Variants in ACACA observed in about 807,000 individuals in gnomAD.
ACACA encodes acetyl-CoA carboxylase 1.
Under a neutral mutation model 296.1 loss-of-function variants are expected in ACACA, and 103 were observed. The observed-to-expected ratio is 0.35, with a 90% CI of 0.30 to 0.41. ACACA has a LOEUF of 0.41. ACACA is among the 10% of genes least tolerant of loss of function. The pLI is 1.00. For synonymous variants in ACACA, 953 were observed against 1,038.6 expected (o/e 0.92, Z 1.58); for missense variants, 1,554 against 2,989.7 (o/e 0.52, Z 11.20).
In ACACA at chr17:37,248,694, G is replaced by C. The variant is rs1467829610; in HGVS notation, c.2082-20C>G. 3.9e-6 allele frequency: 6 copies of C among 1,530,462 alleles called. No homozygotes were observed. Among genetic ancestry groups the C allele is most frequent in the Non-Finnish European group, 4.5e-6 (5 of 1,105,656 alleles). 94.8% of individuals were successfully genotyped at this position (1,530,462 alleles called of 1,614,324 possible). On this transcript the variant is annotated intron_variant, in intron 16 of 55. Coordinates refer to ENST00000616317, the MANE Select transcript of ACACA (RefSeq NM_198834.3). ...TGACCCCTGAAAGAACGATGAGAGA[G>C]GAACTTACTACAAAGTTCTAACAGT...
At position 37,090,804 on chromosome 17, in the gene ACACA, A is replaced by G. The variant is rs4141321; in HGVS notation, c.6892-1730T>C. Among the ~76,000 whole-genome samples the G allele has an allele frequency of 8.2e-4, 124 of 151,962 alleles. No homozygotes were observed. The East Asian group carries it at 0.014, about 17-fold the overall frequency. On this transcript the variant is annotated intron_variant, in intron 54 of 55. Transcript: ENST00000616317. ...AAATTTCAACATTTCCATTTCCATC[A>G]TTGGCAATTTACTCTTCTGCTCCGT...
chr17:37,293,042 AT>A (rs574011666), intron 3 of ACACA, among the ~76,000 whole-genome samples: 9 of 151,524 alleles, frequency 5.9e-5, no homozygotes, highest in South Asian at 2.1e-4. Context: ...CTGCCGACAC[AT>A]TTTTTTTTAC....
At chr17:37,144,234 C>CA in intron 45 of ACACA, 1 of 702,408 alleles carries the variant, frequency 1.4e-6, no homozygotes, top group Admixed American at 1.9e-5. Context: ...CAAGTTTGCA[C>CA]AAAAAATGCG....
At chr17:37,367,586 G>A (rs1018750611) in intron 1 of ACACA, 2 of 152,106 alleles carry the variant, frequency 1.3e-5, no homozygotes, top group Non-Finnish European at 2.9e-5. Context: ...AGGATATAAA[G>A]CCTACCTTCT....
chr17:37,099,589 CA>C (rs2073226567), intron 52 of ACACA, among the ~76,000 whole-genome samples: 1 of 111,260 alleles, frequency 9.0e-6, no homozygotes, highest in Non-Finnish European at 1.8e-5. Context: ...GGGCTGATGG[CA>C]GGAGGGCTGA....
chr17:37,115,956 A>G (rs1050914070), intron 50 of ACACA, among the ~76,000 whole-genome samples: 1 of 152,032 alleles, frequency 6.6e-6, no homozygotes, highest in African/African-American at 2.4e-5. Context: ...TGTTGGCCCT[A>G]ATGTCCACAT....
At chr17:37,240,781 C>A (rs1413720307) in intron 23 of ACACA, among the ~76,000 whole-genome samples, 1 of 152,148 alleles carries the variant, frequency 6.6e-6, no homozygotes, top group Admixed American at 6.5e-5. Context: ...ACAACAAAAT[C>A]CTGCATAGCC....
At chr17:37,105,106 TGGG>T (rs1567664731) in intron 52 of ACACA, among the ~76,000 whole-genome samples, 1 of 152,044 alleles carries the variant, frequency 6.6e-6, no homozygotes, top group South Asian at 2.1e-4. Flanking sequence ...AAGTAGGATT[TGGG>T]GGAGGTGACA....
Position 37,085,758 on chromosome 17 carries a change from C to T in ACACA, c.*1558G>A, listed in dbSNP as rs886667533. On this transcript the variant is annotated 3_prime_UTR_variant, in exon 56 of 56. Transcript: ENST00000616317. Reference sequence around the variant, plus strand: ...GCCAATCTATCCGCACAGATTCCTCCTGAAGAAGGGGAGGTGGAGCTCGTT... The same window carrying T: ...GCCAATCTATCCGCACAGATTCCTCTTGAAGAAGGGGAGGTGGAGCTCGTT... The T allele has an allele frequency of 7.5e-6, 3 of 399,158 alleles. No individual in the cohort carries two copies. Among genetic ancestry groups the T allele is most frequent in the Middle Eastern group, 6.2e-4 (1 of 1,612 alleles). The allele number at this position is 399,158 out of a possible 1,614,324, so 24.7% of individuals were successfully genotyped here.
chr17:37,178,139 T>G lies in ACACA; in HGVS notation c.5079+1121A>C, dbSNP rs533475375. On this transcript the variant is annotated intron_variant, in intron 41 of 55. Coordinates refer to ENST00000616317, the MANE Select transcript of ACACA (RefSeq NM_198834.3). Reference sequence around the variant, plus strand: ...ATATCTCTCTTTTTAGGTTTGTTACTGGTATTATCATTGTTATAACTGTAC... The same window carrying G: ...ATATCTCTCTTTTTAGGTTTGTTACGGGTATTATCATTGTTATAACTGTAC... Among the ~76,000 whole-genome samples the G allele has an allele frequency of 8.5e-5, 13 of 152,344 alleles. No homozygotes were observed. The South Asian group carries it at 2.1e-3, about 24-fold the overall frequency.
At chr17:37,270,155 C>A (rs2082005513) in intron 10 of ACACA, among the ~76,000 whole-genome samples, 1 of 152,198 alleles carries the variant, frequency 6.6e-6, no homozygotes, top group Non-Finnish European at 1.5e-5. Flanking sequence ...CTCTCAGTTC[C>A]TATATACTGT....
At chr17:37,093,285 T>C (rs1344003241) in intron 54 of ACACA, among the ~76,000 whole-genome samples, 2 of 152,144 alleles carry the variant, frequency 1.3e-5, no homozygotes, top group South Asian at 2.1e-4. Flanking sequence ...ACAATAAGAA[T>C]GCACCATGGC....
chr17:37,214,309 A>T (rs770220579), intron 29 of ACACA, among the ~76,000 whole-genome samples: 5 of 152,232 alleles, frequency 3.3e-5, no homozygotes, highest in Non-Finnish European at 7.3e-5. Context: ...ACCTCCTTGC[A>T]GTTCAGATGC....
intron 15 of ACACA, among the ~76,000 whole-genome samples, chr17:37,252,397 A>T (rs945638144): frequency 6.6e-6 from 1 of 152,220 alleles, no homozygotes; most frequent in Non-Finnish European, 1.5e-5. Context: ...AAATAAATTT[A>T]AAAAGACACA....
chr17:37,271,927 G>A (rs772137757), intron 9 of ACACA, among the ~76,000 whole-genome samples: 4 of 152,194 alleles, frequency 2.6e-5, no homozygotes, highest in African/African-American at 7.2e-5. Flanking sequence ...AGCCAAGATC[G>A]TGCCAATGCA....
intron 33 of ACACA, among the ~76,000 whole-genome samples, chr17:37,204,743 G>A (rs1025390507): frequency 1.3e-5 from 2 of 152,104 alleles, no homozygotes; most frequent in African/African-American, 4.8e-5. Flanking sequence ...AATAAATGAG[G>A]CACATTAGAC....
chr17:37,371,149 G>A (rs894658535), intron 1 of ACACA, among the ~76,000 whole-genome samples: 4 of 151,748 alleles, frequency 2.6e-5, no homozygotes, highest in Admixed American at 2.0e-4. Flanking sequence ...TCACGATCTC[G>A]GCTCACTGCA....
At position 37,111,313 on chromosome 17, in the gene ACACA, G is replaced by GA. The variant is rs563484443; in HGVS notation, c.6565+217dup. ...TTTTTGTACTCTAAGGAAATATCAG[G>GA]AAAAAAAATCAGGTGACTTTTGCTT... On this transcript the variant is annotated intron_variant, in intron 52 of 55. Transcript: ENST00000616317. Among the ~76,000 whole-genome samples, 6 of 151,788 alleles carry GA rather than the reference G, an allele frequency of 4.0e-5. No individual in the cohort carries two copies. The East Asian group carries it at 9.7e-4, about 24-fold the overall frequency.
At chr17:37,392,657 T>C (rs2050930728) in intron 1 of ACACA, 1 of 151,796 alleles carries the variant, frequency 6.6e-6, no homozygotes, top group Admixed American at 6.6e-5. Flanking sequence ...TTCTTAGTTC[T>C]CTGGTTAAAA....
Sources: allele counts gnomAD v4.1 joint callset (sites outside exome capture counted in the v4.1 genomes callset), GRCh38; gene constraint gnomAD v4.1.1; transcripts MANE v1.5; gene names NCBI Gene and HGNC (gene_info 2026-07-23, HGNC 2026-07-21).